Variants in DAOA observed in about 807,000 individuals in gnomAD.
DAOA encodes D-amino acid oxidase regulator.
In DAOA, 15 loss-of-function variants were observed where a neutral mutation model predicts 16.4. The observed-to-expected ratio is 0.91, with a 90% CI of 0.61 to 1.41. The LOEUF (loss-of-function observed/expected upper bound fraction) is 1.41, where lower values mean the gene tolerates loss of function less well. Ranked by LOEUF, DAOA falls within the 40% of genes most tolerant of loss-of-function variation. DAOA has a pLI of 0.00. For synonymous variants in DAOA, 75 were observed against 59.1 expected (o/e 1.27, Z -1.23); for missense variants, 230 against 176.8 (o/e 1.30, Z -1.71).
rs142340705 is a variant in DAOA at position 105,482,243 on chromosome 13, A to G, written c.282-7658A>G. Among the ~76,000 whole-genome samples, 1,228 of 152,148 alleles carry G rather than the reference A, an allele frequency of 8.1e-3. 12 individuals carry two copies. The highest frequency in any genetic ancestry group is 0.028 in the African/African-American group (1,183 of 41,522). On this transcript the variant is annotated intron_variant, in intron 4 of 5. Transcript: ENST00000375936. ...CCAAACCATATTACTTGCTACCTCT[A>G]TTTCATCATTTCTCAGTCAACCTAC...
chr13:105,482,989 T>C (rs576632404), intron 4 of DAOA, among the ~76,000 whole-genome samples: 2 of 152,272 alleles, frequency 1.3e-5, no homozygotes, highest in Non-Finnish European at 2.9e-5. Flanking sequence ...AACCTATTAT[T>C]CTCTGAGGTT....
chr13:105,481,694 G>A (rs967387546), intron 4 of DAOA, among the ~76,000 whole-genome samples: 1 of 151,980 alleles, frequency 6.6e-6, no homozygotes, highest in Non-Finnish European at 1.5e-5. Context: ...CCTTTTCTGT[G>A]GTAGTGGAAA....
rs72549474 is a variant in DAOA, at chr13:105,467,144, A to T, written c.133+3A>T. On this transcript the variant is annotated splice_donor_region_variant and intron_variant, in intron 3 of 5. Coordinates refer to ENST00000375936, the MANE Select transcript of DAOA (RefSeq NM_172370.5). ...TGAAAACTCTCTAAACTCTATTGGTATGTTACTCTTTATCTTTATATGAAT... is the reference window on the plus strand; with the variant it reads ...TGAAAACTCTCTAAACTCTATTGGTTTGTTACTCTTTATCTTTATATGAAT... 6.2e-7 allele frequency: 1 copy of T among 1,602,204 alleles called. No homozygotes were observed. The highest frequency in any genetic ancestry group is 1.3e-5 in the African/African-American group (1 of 74,698).
chr13:105,477,494 A>C (rs2139185037), intron 4 of DAOA, among the ~76,000 whole-genome samples: 1 of 152,334 alleles, frequency 6.6e-6, no homozygotes, highest in East Asian at 1.9e-4. Context: ...TTGGAAGGCC[A>C]AAGTAGGGGA....
intron 3 of DAOA, among the ~76,000 whole-genome samples, chr13:105,472,166 G>A (rs937955478): frequency 1.3e-5 from 2 of 152,172 alleles, no homozygotes; most frequent in South Asian, 2.1e-4. Flanking sequence ...CTTTGGAAAG[G>A]CTATGCACAT....
intron 3 of DAOA, 32 bp downstream of exon 3, chr13:105,467,173 A>G: frequency 6.4e-7 from 1 of 1,554,572 alleles, no homozygotes. Context: ...TATGAATTTA[A>G]ATTCTTCTAG....
rs775425170 is a variant in DAOA, at chr13:105,472,532, T to C, written c.134-6T>C. The C allele has an allele frequency of 6.2e-7, 1 of 1,612,676 alleles. No individual in the cohort carries two copies. Among genetic ancestry groups the C allele is most frequent in the South Asian group, 1.1e-5 (1 of 90,922 alleles). Reference sequence around the variant, plus strand: ...GTATTATATATCCACTTAAATACTGTTGCAGCAAAGGAGACAGAAGAAGGA... The same window carrying C: ...GTATTATATATCCACTTAAATACTGCTGCAGCAAAGGAGACAGAAGAAGGA... On this transcript the variant is annotated splice_region_variant and splice_polypyrimidine_tract_variant and intron_variant, in intron 3 of 5. Coordinates refer to ENST00000375936, the MANE Select transcript of DAOA (RefSeq NM_172370.5).
intron 4 of DAOA, among the ~76,000 whole-genome samples, chr13:105,485,944 T>C (rs1490625697): frequency 6.6e-6 from 1 of 152,150 alleles, no homozygotes; most frequent in Non-Finnish European, 1.5e-5. Flanking sequence ...AGCTACTCCA[T>C]TCACAGTTCT....
intron 4 of DAOA, chr13:105,475,143 T>G: frequency 1.6e-6 from 1 of 606,422 alleles, no homozygotes; most frequent in Non-Finnish European, 2.1e-6. Flanking sequence ...AAACCAGATC[T>G]CCAGACTCCT....
intron 4 of DAOA, among the ~76,000 whole-genome samples, chr13:105,482,874 A>G (rs1877851891): frequency 6.6e-6 from 1 of 152,130 alleles, no homozygotes; most frequent in Non-Finnish European, 1.5e-5. Context: ...AACTTTACAG[A>G]GGCATAACTG....
chr13:105,480,205 A>G (rs1877617130), intron 4 of DAOA, among the ~76,000 whole-genome samples: 1 of 152,188 alleles, frequency 6.6e-6, no homozygotes, highest in African/African-American at 2.4e-5. Context: ...TTTTTCTTCT[A>G]AGTAAAAACT....
At chr13:105,476,710 T>C (rs1025202598) in intron 4 of DAOA, among the ~76,000 whole-genome samples, 2 of 151,980 alleles carry the variant, frequency 1.3e-5, no homozygotes, top group Admixed American at 6.6e-5. Flanking sequence ...ACAGTTCCAA[T>C]TATTCCTAAT....
At chr13:105,466,720 C>T (rs72549466) in intron 2 of DAOA, among the ~76,000 whole-genome samples, 2 of 152,168 alleles carry the variant, frequency 1.3e-5, no homozygotes, top group Admixed American at 6.5e-5. Flanking sequence ...ACTGGGATAA[C>T]TTTGTGCTTA....
intron 4 of DAOA, among the ~76,000 whole-genome samples, chr13:105,486,219 A>T (rs950112054): frequency 2.6e-5 from 4 of 151,910 alleles, no homozygotes; most frequent in Admixed American, 2.0e-4. Flanking sequence ...TCTGCTCTCC[A>T]CCCTTTTCTT....
intron 3 of DAOA, among the ~76,000 whole-genome samples, chr13:105,468,211 C>T (rs542979494): frequency 6.6e-4 from 101 of 152,302 alleles, no homozygotes; most frequent in African/African-American, 1.8e-3. Context: ...CTCCACCTCC[C>T]GGTCGTTAAC....
At chr13:105,485,870 G>T (rs1213484920) in intron 4 of DAOA, among the ~76,000 whole-genome samples, 2 of 152,224 alleles carry the variant, frequency 1.3e-5, no homozygotes, top group Non-Finnish European at 2.9e-5. Flanking sequence ...AAAGTCTTTA[G>T]AGAGAGCATG....
At chr13:105,474,344 G>A (rs891422843) in intron 4 of DAOA, among the ~76,000 whole-genome samples, 1 of 151,952 alleles carries the variant, frequency 6.6e-6, no homozygotes, top group African/African-American at 2.4e-5. Context: ...CTTATTACTA[G>A]AAAGTGTGAG....
intron 4 of DAOA, among the ~76,000 whole-genome samples, chr13:105,484,156 G>GC (rs1198126993): frequency 1.3e-5 from 2 of 151,790 alleles, no homozygotes; most frequent in African/African-American, 4.8e-5. Context: ...AGTTTCCTTT[G>GC]CCCCTTGGCC....
chr13:105,470,849 G>A (rs1876886271), intron 3 of DAOA, among the ~76,000 whole-genome samples: 2 of 151,876 alleles, frequency 1.3e-5, no homozygotes, highest in Non-Finnish European at 2.9e-5. Flanking sequence ...CGAGTGCAGT[G>A]ACACGATCTC....
Sources: allele counts gnomAD v4.1 joint callset (sites outside exome capture counted in the v4.1 genomes callset), GRCh38; gene constraint gnomAD v4.1.1; transcripts MANE v1.5; gene names NCBI Gene and HGNC (gene_info 2026-07-23, HGNC 2026-07-21).